Variants in GRIN2B observed in about 807,000 individuals in gnomAD.
GRIN2B encodes glutamate ionotropic receptor NMDA type subunit 2B.
GRIN2B carries 5 observed loss-of-function variants against 114.5 expected under a neutral mutation model. The ratio of observed to expected loss-of-function variants is 0.04; its 90% CI spans 0.02 to 0.09. GRIN2B has a LOEUF of 0.09. Among genes scored for constraint, GRIN2B ranks in the 10% least tolerant of loss-of-function variants. The pLI is 1.00. For synonymous variants in GRIN2B, 787 were observed against 745.1 expected, an observed-to-expected ratio of 1.06 and a Z score of -0.92; for missense variants, 1,108 against 1,943.5, an observed-to-expected ratio of 0.57 and a Z score of 8.08.
intron 3 of GRIN2B, among the ~76,000 whole-genome samples, chr12:13,773,761 G>A (rs1177987058): frequency 1.3e-5 from 2 of 152,106 alleles, no homozygotes; most frequent in Admixed American, 1.3e-4. Context: ...AAAAATGGTG[G>A]AACATTCCAT....
chr12:13,968,965 G>A (rs561872558), intron 2 of GRIN2B, among the ~76,000 whole-genome samples: 1 of 152,350 alleles, frequency 6.6e-6, no homozygotes, highest in Non-Finnish European at 1.5e-5. Flanking sequence ...TCAGAGAGAA[G>A]TAGATTGTTC....
At chr12:13,733,529 T>C (rs1463842684) in intron 4 of GRIN2B, among the ~76,000 whole-genome samples, 1 of 152,206 alleles carries the variant, frequency 6.6e-6, no homozygotes, top group Non-Finnish European at 1.5e-5. Flanking sequence ...TTTATTTCTC[T>C]TTATCAAGTG....
chr12:13,907,170 G>A (rs1033702087), intron 2 of GRIN2B, among the ~76,000 whole-genome samples: 4 of 152,088 alleles, frequency 2.6e-5, no homozygotes, highest in African/African-American at 9.7e-5. Flanking sequence ...CAATATGAAA[G>A]AATCTCATAG....
At chr12:13,608,333 C>A (rs112148367) in intron 10 of GRIN2B, among the ~76,000 whole-genome samples, 12 of 152,274 alleles carry the variant, frequency 7.9e-5, no homozygotes, top group African/African-American at 2.9e-4. Flanking sequence ...ACAAGAGGTA[C>A]CATGCACTCA....
At chr12:13,716,378 T>A (rs11055601) in intron 4 of GRIN2B, among the ~76,000 whole-genome samples, 35,182 of 151,816 alleles carry the variant, frequency 0.23, 5,294 homozygotes, top group Non-Finnish European at 0.34. Flanking sequence ...ATGGCTGTGC[T>A]ATGAGCCAGT....
At chr12:13,620,391 G>C (rs1949499309) in intron 5 of GRIN2B, among the ~76,000 whole-genome samples, 3 of 152,074 alleles carry the variant, frequency 2.0e-5, no homozygotes, top group African/African-American at 7.2e-5. Flanking sequence ...CTTGTTCAAG[G>C]GTGTCAGGCT....
chr12:13,667,779 C>T (rs944506182), intron 5 of GRIN2B, among the ~76,000 whole-genome samples: 1 of 151,862 alleles, frequency 6.6e-6, no homozygotes, highest in African/African-American at 2.4e-5. Flanking sequence ...ACACAGAATG[C>T]ACAGAAAAAA....
At chr12:13,750,663 A>G (rs2136626050) in intron 4 of GRIN2B, among the ~76,000 whole-genome samples, 1 of 152,370 alleles carries the variant, frequency 6.6e-6, no homozygotes, top group Admixed American at 6.5e-5. Flanking sequence ...ACAGAACTGA[A>G]TCAACAGTAC....
chr12:13,841,110 T>C (rs1422452829), intron 3 of GRIN2B, among the ~76,000 whole-genome samples: 1 of 152,184 alleles, frequency 6.6e-6, no homozygotes, highest in Non-Finnish European at 1.5e-5. Context: ...CTAAGCAGCC[T>C]AGTTGTAGAT....
In GRIN2B at chr12:13,952,654, GTCT is replaced by G. The variant is rs146710618; in HGVS notation, c.-19+27271_-19+27273del. ...TAAAAGATCCTGAATATCAAAGTCT[GTCT>G]TCTTCTGGCCATGTATTTAAGGTAT... On this transcript the variant is annotated intron_variant, in intron 2 of 13. Coordinates refer to ENST00000609686, the MANE Select transcript of GRIN2B (RefSeq NM_000834.5). 5.4e-3 allele frequency among the ~76,000 whole-genome samples: 829 copies of G among 152,124 alleles called. 20 individuals carry two copies. Among genetic ancestry groups the G allele is most frequent in the East Asian group, 0.049 (250 of 5,148 alleles).
intron 3 of GRIN2B, among the ~76,000 whole-genome samples, chr12:13,863,429 A>G (rs997036887): frequency 1.3e-5 from 2 of 152,236 alleles, no homozygotes; most frequent in Admixed American, 6.5e-5. Flanking sequence ...TTGAGAGACA[A>G]GAGAGTACAC....
chr12:13,585,215 G>A (rs192528729), intron 10 of GRIN2B, among the ~76,000 whole-genome samples: 3 of 152,242 alleles, frequency 2.0e-5, no homozygotes, highest in East Asian at 1.9e-4. Context: ...GTTCTAATAC[G>A]GTATCAGCAT....
At chr12:13,616,415 C>T in intron 6 of GRIN2B, 40 bp downstream of exon 6, 1 of 1,485,222 alleles carries the variant, frequency 6.7e-7, no homozygotes, top group Non-Finnish European at 9.4e-7. Context: ...TCAAAGCTGA[C>T]TCTCCCATGC....
intron 2 of GRIN2B, among the ~76,000 whole-genome samples, chr12:13,886,010 C>T (rs1866150897): frequency 6.6e-6 from 1 of 152,170 alleles, no homozygotes; most frequent in South Asian, 2.1e-4. Flanking sequence ...CCAGATGACA[C>T]TGTTGTGCAC....
rs1263993310 is a variant in GRIN2B, at chr12:13,560,423, C to T, written c.*2360G>A. 1 of 152,198 alleles carries T rather than the reference C, an allele frequency of 6.6e-6. No homozygotes were observed. Among genetic ancestry groups the T allele is most frequent in the Non-Finnish European group, 1.5e-5 (1 of 68,042 alleles). 9.4% of individuals were successfully genotyped at this position (152,198 alleles called of 1,614,324 possible). On this transcript the variant is annotated 3_prime_UTR_variant, in exon 14 of 14. Coordinates refer to ENST00000609686, the MANE Select transcript of GRIN2B (RefSeq NM_000834.5). ...AAAATATTTACATATGAAATAAACACCATCTTGATTTCTGTTGCCAGCGGA... is the reference window on the plus strand; with the variant it reads ...AAAATATTTACATATGAAATAAACATCATCTTGATTTCTGTTGCCAGCGGA...
At chr12:13,728,478 T>C (rs1863030398) in intron 4 of GRIN2B, among the ~76,000 whole-genome samples, 2 of 152,176 alleles carry the variant, frequency 1.3e-5, no homozygotes, top group African/African-American at 2.4e-5. Flanking sequence ...ATTTGTTTTG[T>C]AGGTAATCTG....
chr12:13,760,969 A>T (rs1000540537), intron 3 of GRIN2B, among the ~76,000 whole-genome samples: 1 of 152,202 alleles, frequency 6.6e-6, no homozygotes, highest in Non-Finnish European at 1.5e-5. Flanking sequence ...TTTTGCGAAC[A>T]GTGTCTTGCA....
At chr12:13,863,781 G>C (rs1031190140) in intron 3 of GRIN2B, among the ~76,000 whole-genome samples, 4 of 152,066 alleles carry the variant, frequency 2.6e-5, no homozygotes, top group African/African-American at 7.2e-5. Context: ...GCTAGTTTAG[G>C]CATAACTTTT....
intron 5 of GRIN2B, among the ~76,000 whole-genome samples, chr12:13,657,238 G>T (rs1234016643): frequency 6.6e-6 from 1 of 152,138 alleles, no homozygotes. Flanking sequence ...TGGAGCACGT[G>T]GTTACTGAAT....
Sources: allele counts gnomAD v4.1 joint callset (sites outside exome capture counted in the v4.1 genomes callset), GRCh38; gene constraint gnomAD v4.1.1; transcripts MANE v1.5; gene names NCBI Gene and HGNC (gene_info 2026-07-23, HGNC 2026-07-21).